Variants in KTN1 observed in about 807,000 individuals in gnomAD.
KTN1 encodes kinectin.
KTN1 carries 130 observed loss-of-function variants against 222.5 expected under a neutral mutation model. That is an observed-to-expected ratio of 0.58 (90% CI 0.51 to 0.68). The LOEUF is 0.68. KTN1 is among the 30% of genes least tolerant of loss of function. KTN1 has a pLI of 0.00. For synonymous variants in KTN1, 512 were observed against 496.3 expected (o/e 1.03, Z -0.42); for missense variants, 1,508 against 1,500.4 (o/e 1.01, Z -0.08).
intron 43 of KTN1, 115 bp from the exon 44 acceptor site, chr14:55,683,984 A>G (rs1046258288): frequency 8.3e-6 from 6 of 723,834 alleles, no homozygotes; most frequent in African/African-American, 1.8e-5. Flanking sequence ...AGTCTATTTG[A>G]AAGGGCCATG....
At chr14:55,594,741 A>G (rs1430881414) in intron 1 of KTN1, among the ~76,000 whole-genome samples, 2 of 152,316 alleles carry the variant, frequency 1.3e-5, no homozygotes, top group Non-Finnish European at 2.9e-5. Context: ...TAATCTAACA[A>G]TGAAGACAAA....
At chr14:55,662,952 C>G (rs1444524227) in intron 32 of KTN1, 1 of 455,794 alleles carries the variant, frequency 2.2e-6, no homozygotes, top group Non-Finnish European at 4.4e-6. Flanking sequence ...GACATTGAAC[C>G]CGTGTGAAAA....
intron 1 of KTN1, among the ~76,000 whole-genome samples, chr14:55,585,283 G>C (rs1594670587): frequency 6.6e-6 from 1 of 152,238 alleles, no homozygotes; most frequent in Admixed American, 6.5e-5. Context: ...GGAGCTGCTT[G>C]GTGGAAGGAA....
intron 33 of KTN1, among the ~76,000 whole-genome samples, chr14:55,664,382 G>A (rs2141251649): frequency 6.6e-6 from 1 of 152,232 alleles, no homozygotes; most frequent in South Asian, 2.1e-4. Context: ...AAATCTAGGT[G>A]AATTAACAAA....
At chr14:55,649,200 T>C (rs920283167) in intron 21 of KTN1, among the ~76,000 whole-genome samples, 3 of 152,244 alleles carry the variant, frequency 2.0e-5, no homozygotes, top group Non-Finnish European at 2.9e-5. Context: ...GTGTTGGAAT[T>C]ATAGGCATGA....
In KTN1 at chr14:55,672,627, C is replaced by G; in HGVS notation, c.3532-3C>G. On this transcript the variant is annotated splice_region_variant and splice_polypyrimidine_tract_variant and intron_variant, in intron 37 of 43. Transcript: ENST00000395314. ...TTGGCCATGTAATTGTTTCACATTTCAGATGCAGTCATCATTTACATCTTC... is the reference window on the plus strand; with the variant it reads ...TTGGCCATGTAATTGTTTCACATTTGAGATGCAGTCATCATTTACATCTTC... 1 of 1,593,142 alleles carries G rather than the reference C, an allele frequency of 6.3e-7. No individual in the cohort carries two copies. Among genetic ancestry groups the G allele is most frequent in the South Asian group, 1.1e-5 (1 of 90,372 alleles).
At chr14:55,606,407 C>A (rs978898262) in intron 1 of KTN1, among the ~76,000 whole-genome samples, 1 of 151,898 alleles carries the variant, frequency 6.6e-6, no homozygotes, top group Non-Finnish European at 1.5e-5. Context: ...TCACTGTGTT[C>A]AGATTTCAGT....
intron 1 of KTN1, among the ~76,000 whole-genome samples, chr14:55,605,753 C>A (rs2036636885): frequency 6.6e-6 from 1 of 152,144 alleles, no homozygotes; most frequent in African/African-American, 2.4e-5. Context: ...GATATATCTG[C>A]AATATAACAC....
At position 55,670,641 on chromosome 14, in the gene KTN1, T is replaced by G. The variant is rs372092702; in HGVS notation, c.3268-88T>G. 7 of 846,470 alleles carry G rather than the reference T, an allele frequency of 8.3e-6. No individual in the cohort carries two copies. The South Asian group carries it at 1.1e-4, about 13-fold the overall frequency. The allele number at this position is 846,470 out of a possible 1,614,324, so 52.4% of individuals were successfully genotyped here. A position where few individuals can be genotyped will look rare whatever the true frequency, so the allele number is the denominator to read the frequency against. On this transcript the variant is annotated intron_variant, in intron 34 of 43. Coordinates refer to ENST00000395314, the MANE Select transcript of KTN1 (RefSeq NM_001079521.2). ...TGTGTAGGTTTCTTTTATAATTATC[T>G]AATTTGGTTATTTTAAATGTTTCAC...
intron 1 of KTN1, among the ~76,000 whole-genome samples, chr14:55,592,020 T>C (rs915675630): frequency 2.6e-5 from 4 of 152,226 alleles, no homozygotes; most frequent in Non-Finnish European, 5.9e-5. Flanking sequence ...ATACTAATTA[T>C]TTGCCAATTA....
At chr14:55,585,988 C>T (rs545982008) in intron 1 of KTN1, among the ~76,000 whole-genome samples, 6 of 152,292 alleles carry the variant, frequency 3.9e-5, no homozygotes, top group Admixed American at 6.5e-5. Context: ...CATTGTCTAT[C>T]AGGAGACATG....
At chr14:55,652,647 C>T (rs2043055298) in intron 25 of KTN1, among the ~76,000 whole-genome samples, 1 of 152,196 alleles carries the variant, frequency 6.6e-6, no homozygotes, top group Non-Finnish European at 1.5e-5. Flanking sequence ...GATCCGCCCG[C>T]CTTGGCCTCC....
At chr14:55,610,621 A>G (rs1021064383) in intron 1 of KTN1, among the ~76,000 whole-genome samples, 3 of 152,246 alleles carry the variant, frequency 2.0e-5, no homozygotes, top group African/African-American at 7.2e-5. Flanking sequence ...AAGTGTAGCA[A>G]TTAACTTTAA....
intron 2 of KTN1, among the ~76,000 whole-genome samples, chr14:55,616,019 C>A (rs1485770074): frequency 2.0e-5 from 3 of 151,944 alleles, no homozygotes; most frequent in Non-Finnish European, 4.4e-5. Context: ...CTCAAGCTAT[C>A]CTCCCACCTC....
chr14:55,659,623 C>T (rs2043893787), intron 30 of KTN1, 43 bp from the exon 31 acceptor site: 2 of 1,216,180 alleles, frequency 1.6e-6, no homozygotes, highest in African/African-American at 3.0e-5. Flanking sequence ...TTTAAGTCTC[C>T]TGAAAAGTTT....
intron 1 of KTN1, among the ~76,000 whole-genome samples, chr14:55,593,959 G>C (rs904747022): frequency 1.3e-5 from 2 of 151,958 alleles, no homozygotes; most frequent in African/African-American, 4.8e-5. Flanking sequence ...GAACTATCCA[G>C]CCATCTTCCT....
rs527617294 is a variant in KTN1, at chr14:55,621,528, G to T, written c.963+2216G>T. On this transcript the variant is annotated intron_variant, in intron 5 of 43. Transcript: ENST00000395314. ...AGAAGGTGAAAGGCATGTCTTACAT[G>T]GCAGCAGGGAAGAGGGAATGAGAAC... Among the ~76,000 whole-genome samples the T allele has an allele frequency of 3.9e-5, 6 of 152,276 alleles. No homozygotes were observed. The South Asian group carries it at 1.2e-3, about 32-fold the overall frequency.
Position 55,606,152 on chromosome 14 carries a change from C to T in KTN1, c.-30-5867C>T, listed in dbSNP as rs550998189. ...CTATAATAATAGCTTTCAGCTTAGG[C>T]CTCACAGCTACTTCTGTAATATTTT... is the stretch of plus-strand genomic sequence containing the variant. On this transcript the variant is annotated intron_variant, in intron 1 of 43. Transcript: ENST00000395314. Among the ~76,000 whole-genome samples the T allele has an allele frequency of 7.2e-5, 11 of 152,006 alleles. No individual in the cohort carries two copies. In the South Asian group the frequency reaches 2.3e-3, roughly 32 times the overall value.
rs937151999 is a variant in KTN1 at position 55,670,722 on chromosome 14, T to G, written c.3268-7T>G. On this transcript the variant is annotated splice_polypyrimidine_tract_variant and splice_region_variant and intron_variant, in intron 34 of 43. Transcript: ENST00000395314. ...AAATTAATGATTTTAACTTTTCTCG[T>G]CCACAGAGTTATGGTGAATGGTTGC... 2 of 1,575,570 alleles carry G rather than the reference T, an allele frequency of 1.3e-6. No individual in the cohort carries two copies. Among genetic ancestry groups the G allele is most frequent in the Non-Finnish European group, 1.7e-6 (2 of 1,158,950 alleles).
Sources: allele counts gnomAD v4.1 joint callset (sites outside exome capture counted in the v4.1 genomes callset), GRCh38; gene constraint gnomAD v4.1.1; transcripts MANE v1.5; gene names NCBI Gene and HGNC (gene_info 2026-07-23, HGNC 2026-07-21).